MYO3A: variants seen among roughly 807,000 people sequenced by gnomAD.
MYO3A encodes the protein myosin IIIA, also known as myosin-IIIa.
In MYO3A, 180 loss-of-function variants were observed where a neutral mutation model predicts 192.7. That is an observed-to-expected ratio of 0.93 (90% CI 0.83 to 1.06). MYO3A has a LOEUF of 1.06. MYO3A is among the 50% of genes least tolerant of loss of function. The probability of loss-of-function intolerance (pLI) is 0.00; values close to 1 mark genes in which losing one functional copy is unlikely to be tolerated. For synonymous variants in MYO3A, 628 were observed against 645.3 expected (o/e 0.97, Z 0.41); for missense variants, 1,896 against 1,905.0 (o/e 1.00, Z 0.09).
At position 26,143,615 on chromosome 10, in the gene MYO3A, C is replaced by G; in HGVS notation, c.2416+14C>G. ...AGACTCTTGTAGGTGAGTTTTCAGT[C>G]CAGTGTGTCTGCATGGTTTTATGAA... is the stretch of plus-strand genomic sequence containing the variant. On this transcript the variant is annotated intron_variant, in intron 21 of 34. Transcript: ENST00000642920. 6.2e-7 allele frequency: 1 copy of G among 1,613,324 alleles called. No individual in the cohort carries two copies. Among genetic ancestry groups the G allele is most frequent in the South Asian group, 1.1e-5 (1 of 91,032 alleles).
chr10:26,102,399 A>C (rs907563727), intron 17 of MYO3A, among the ~76,000 whole-genome samples: 19 of 152,056 alleles, frequency 1.2e-4, no homozygotes, highest in African/African-American at 4.4e-4. Context: ...TCTTCTCTCA[A>C]CTCATCAAAG....
intron 6 of MYO3A, among the ~76,000 whole-genome samples, chr10:26,010,879 G>T (rs558066931): frequency 6.6e-6 from 1 of 152,220 alleles, no homozygotes; most frequent in Admixed American, 6.5e-5. Flanking sequence ...TTGCTGAAGG[G>T]CACACTTTAA....
intron 14 of MYO3A, among the ~76,000 whole-genome samples, chr10:26,077,145 A>G (rs1835624583): frequency 6.8e-6 from 1 of 147,232 alleles, no homozygotes; most frequent in Admixed American, 6.9e-5. Context: ...ATGTGTTTCC[A>G]TTCATGTCAT....
intron 3 of MYO3A, among the ~76,000 whole-genome samples, chr10:25,953,011 G>T (rs1331481703): frequency 6.6e-6 from 1 of 151,756 alleles, no homozygotes; most frequent in African/African-American, 2.4e-5. Flanking sequence ...TCTTCAGGTT[G>T]CTGGGAGACA....
intron 4 of MYO3A, among the ~76,000 whole-genome samples, chr10:25,981,410 T>G (rs73610380): frequency 5.9e-5 from 9 of 152,196 alleles, no homozygotes; most frequent in African/African-American, 2.2e-4. Context: ...AAAAAAAAAT[T>G]TAGACACAAA....
intron 15 of MYO3A, among the ~76,000 whole-genome samples, chr10:26,091,618 G>A (rs1199993005): frequency 6.6e-6 from 1 of 152,234 alleles, no homozygotes; most frequent in African/African-American, 2.4e-5. Flanking sequence ...TGTGGAGAAA[G>A]GGAAATGTAT....
At position 26,154,705 on chromosome 10, in the gene MYO3A, A is replaced by G. The variant is rs368782360; in HGVS notation, c.2716-41A>G. The G allele has an allele frequency of 2.6e-6, 4 of 1,565,238 alleles. No homozygotes were observed. In the African/African-American group the frequency reaches 4.1e-5, roughly 16 times the overall value. ...ATGCTGTCTGTAGATAATAAAGTAC[A>G]ATAGATACCAAGGCATCACTGTCTT... On this transcript the variant is annotated intron_variant, in intron 24 of 34. Transcript: ENST00000642920.
rs974465682 is a variant in MYO3A, at chr10:25,968,239, A to G, written c.303+13231A>G. On this transcript the variant is annotated intron_variant, in intron 4 of 34. Coordinates refer to ENST00000642920, the MANE Select transcript of MYO3A (RefSeq NM_017433.5). ...GGCCACTGGTTTGTCATCAAATGCAATGGAATGACATCTTTGAAGGACTGA... is the reference window on the plus strand; with the variant it reads ...GGCCACTGGTTTGTCATCAAATGCAGTGGAATGACATCTTTGAAGGACTGA... 3.9e-5 allele frequency among the ~76,000 whole-genome samples: 6 copies of G among 152,358 alleles called. No individual in the cohort carries two copies. The South Asian group carries it at 8.3e-4, about 21-fold the overall frequency.
At chr10:25,943,668 C>T (rs1016626319) in intron 2 of MYO3A, among the ~76,000 whole-genome samples, 2 of 151,490 alleles carry the variant, frequency 1.3e-5, no homozygotes, top group African/African-American at 4.8e-5. Context: ...CTAATTTCTT[C>T]TTCTGGTTGT....
At chr10:26,046,635 G>A (rs1423152933) in intron 10 of MYO3A, among the ~76,000 whole-genome samples, 1 of 152,210 alleles carries the variant, frequency 6.6e-6, no homozygotes, top group African/African-American at 2.4e-5. Context: ...TATTAGCTAT[G>A]TACACAAATA....
At chr10:26,031,471 C>T (rs1162310774) in intron 10 of MYO3A, among the ~76,000 whole-genome samples, 5 of 152,208 alleles carry the variant, frequency 3.3e-5, no homozygotes, top group Non-Finnish European at 5.9e-5. Context: ...TGATCGCCCA[C>T]GTGTAGGTCA....
chr10:25,977,649 A>G (rs1839040700), intron 4 of MYO3A, among the ~76,000 whole-genome samples: 1 of 152,224 alleles, frequency 6.6e-6, no homozygotes, highest in Non-Finnish European at 1.5e-5. Flanking sequence ...AAATGAATGA[A>G]TGAATAAAAC....
At chr10:26,019,531 T>C (rs1285744805) in intron 7 of MYO3A, among the ~76,000 whole-genome samples, 1 of 152,208 alleles carries the variant, frequency 6.6e-6, no homozygotes, top group Non-Finnish European at 1.5e-5. Context: ...TTAGCCAGGA[T>C]GGTCTCGATC....
At chr10:26,207,695 A>G (rs1161961546) in intron 34 of MYO3A, among the ~76,000 whole-genome samples, 2 of 152,216 alleles carry the variant, frequency 1.3e-5, no homozygotes, top group Non-Finnish European at 2.9e-5. Context: ...ATAGTTTGAA[A>G]TCAGATAGTG....
At chr10:26,179,036 G>C (rs1842476709) in intron 31 of MYO3A, among the ~76,000 whole-genome samples, 1 of 148,908 alleles carries the variant, frequency 6.7e-6, no homozygotes, top group Admixed American at 6.7e-5. Flanking sequence ...CCGACCCTGT[G>C]ATCCGCCCGC....
At chr10:25,981,607 G>A (rs11014882) in intron 4 of MYO3A, among the ~76,000 whole-genome samples, 14,522 of 152,024 alleles carry the variant, frequency 0.096, 1,232 homozygotes, top group African/African-American at 0.22. Flanking sequence ...AATAAGCAGT[G>A]AAAAAATGAA....
chr10:26,211,910 A>G lies in MYO3A; in HGVS notation c.4798A>G (p.Arg1600Gly). 2.5e-6 allele frequency: 4 copies of G among 1,614,020 alleles called. No homozygotes were observed. The highest frequency in any genetic ancestry group is 3.4e-6 in the Non-Finnish European group (4 of 1,179,992). The change falls in exon 35 of 35, where the codon AGG (arginine) becomes GGG (glycine). Residue 1600 changes from arginine to glycine, a missense_variant. By Grantham distance (125) the Arg-to-Gly change is moderately radical. Coordinates refer to ENST00000642920, the MANE Select transcript of MYO3A (RefSeq NM_017433.5). ...REPAANPYDF[R>G]RLLRKTSQRR... The stretch of plus-strand genomic sequence containing the variant: ...GCCAGCAGCCAACCCCTACGACTTC[A>G]GGAGGCTCCTGCGCAAAACCTCCCA...
chr10:26,080,609 G>T lies in MYO3A; in HGVS notation c.1360-7594G>T, dbSNP rs866198250. Among the ~76,000 whole-genome samples, 39 of 131,566 alleles carry T rather than the reference G, an allele frequency of 3.0e-4. 1 individual carries two copies. The highest frequency in any genetic ancestry group is 1.0e-3 in the African/African-American group (37 of 36,550). The allele number at this position is 131,566 out of a possible 152,430, so 86.3% of individuals were successfully genotyped here. ...TTTTTTTGGGGGGAGGCGGGGCGGG[G>T]GTGGGTGTTGAAGAGCCTTGTTTTG... On this transcript the variant is annotated intron_variant, in intron 14 of 34. Coordinates refer to ENST00000642920, the MANE Select transcript of MYO3A (RefSeq NM_017433.5).
chr10:26,082,353 G>A (rs1033030005), intron 14 of MYO3A, among the ~76,000 whole-genome samples: 11 of 151,902 alleles, frequency 7.2e-5, no homozygotes, highest in Non-Finnish European at 1.3e-4. Flanking sequence ...TTGTTAATGG[G>A]ATTGCTTTCT....
Sources: gnomAD v4.1 joint callset for allele counts (sites outside exome capture counted in the v4.1 genomes callset) on GRCh38, gnomAD v4.1.1 for gene constraint, MANE v1.5 for transcripts, NCBI Gene and HGNC (gene_info 2026-07-23, HGNC 2026-07-21) for gene names.